KCNIP4: variants seen among roughly 807,000 people sequenced by gnomAD.
KCNIP4 encodes potassium voltage-gated channel interacting protein 4.
Under a neutral mutation model 34.0 loss-of-function variants are expected in KCNIP4, and 12 were observed. That is an observed-to-expected ratio of 0.35 (90% confidence interval 0.23 to 0.57). KCNIP4 has a LOEUF of 0.57. Ranked by LOEUF, KCNIP4 falls within the 20% of genes least tolerant of loss-of-function variation. The pLI is 0.83. For synonymous variants in KCNIP4, 124 were observed against 102.2 expected (o/e 1.21, Z -1.29); for missense variants, 238 against 311.7 (o/e 0.76, Z 1.78).
chr4:21,036,592 G>T (rs773016005), intron 1 of KCNIP4, among the ~76,000 whole-genome samples: 8 of 152,200 alleles, frequency 5.3e-5, no homozygotes, highest in Non-Finnish European at 7.3e-5. Flanking sequence ...TGGGCATGGG[G>T]GTGTGTGCCT....
intron 1 of KCNIP4, among the ~76,000 whole-genome samples, chr4:20,921,831 A>G (rs945142417): frequency 3.0e-4 from 46 of 152,202 alleles, no homozygotes. Context: ...TATGTGGGTG[A>G]TGTTAACAAG....
chr4:20,761,342 A>G (rs879374110), intron 3 of KCNIP4, among the ~76,000 whole-genome samples: 9 of 152,216 alleles, frequency 5.9e-5, no homozygotes, highest in Non-Finnish European at 1.2e-4. Flanking sequence ...GGACCCTAAT[A>G]CATAAATGAA....
rs564118366 is a variant in KCNIP4, at chr4:21,528,233, T to A, written c.61+420338A>T. 7.2e-5 allele frequency among the ~76,000 whole-genome samples: 11 copies of A among 152,268 alleles called. No homozygotes were observed. In the South Asian group the frequency reaches 2.3e-3, roughly 32 times the overall value. On this transcript the variant is annotated intron_variant, in intron 1 of 8. Coordinates refer to ENST00000382152, the MANE Select transcript of KCNIP4 (RefSeq NM_025221.6). Reference sequence around the variant, plus strand: ...TACTTTGCAGTCTCTAAACTTCATTTAGAGACTCACCTGTGGCTCAAATAA... The same window carrying A: ...TACTTTGCAGTCTCTAAACTTCATTAAGAGACTCACCTGTGGCTCAAATAA...
chr4:21,084,820 CAT>C (rs1028581185), intron 1 of KCNIP4, among the ~76,000 whole-genome samples: 7 of 151,462 alleles, frequency 4.6e-5, no homozygotes, highest in Non-Finnish European at 7.4e-5. Flanking sequence ...ATTCTCAACA[CAT>C]GTTTTCTTGA....
chr4:21,133,215 A>C (rs1751220391), intron 1 of KCNIP4, among the ~76,000 whole-genome samples: 1 of 152,170 alleles, frequency 6.6e-6, no homozygotes, highest in Non-Finnish European at 1.5e-5. Flanking sequence ...TCCTATTTAC[A>C]ATCAAAAGTT....
At chr4:21,848,348 T>C (rs922599247) in intron 1 of KCNIP4, 4 of 152,126 alleles carry the variant, frequency 2.6e-5, no homozygotes, top group African/African-American at 9.7e-5. Context: ...AATCAGGCAG[T>C]GCTGAGGTCA....
At chr4:21,053,010 TAC>T (rs548441726) in intron 1 of KCNIP4, among the ~76,000 whole-genome samples, 23 of 150,406 alleles carry the variant, frequency 1.5e-4, no homozygotes, top group South Asian at 1.1e-3. Context: ...AAGATATGTA[TAC>T]ACACACACAC....
At chr4:21,811,877 T>C (rs968711024) in intron 1 of KCNIP4, among the ~76,000 whole-genome samples, 31 of 152,178 alleles carry the variant, frequency 2.0e-4, no homozygotes, top group Non-Finnish European at 2.8e-4. Flanking sequence ...GAGAATCCCT[T>C]GTCATGGTTA....
chr4:20,819,433 G>A (rs1716830249), intron 3 of KCNIP4, among the ~76,000 whole-genome samples: 1 of 152,170 alleles, frequency 6.6e-6, no homozygotes, highest in Admixed American at 6.5e-5. Flanking sequence ...TATGGCATAA[G>A]AGAGAGGCAG....
intron 1 of KCNIP4, among the ~76,000 whole-genome samples, chr4:21,911,827 TTCA>T (rs1370468731): frequency 6.6e-6 from 1 of 152,126 alleles, no homozygotes; most frequent in Non-Finnish European, 1.5e-5. Flanking sequence ...ACACGGATTC[TTCA>T]TCATCATTGC....
chr4:21,376,371 T>C (rs1334719783), intron 1 of KCNIP4, among the ~76,000 whole-genome samples: 2 of 146,542 alleles, frequency 1.4e-5, no homozygotes, highest in African/African-American at 5.1e-5. Context: ...GATCCGAGAT[T>C]TGGATGCTAG....
At position 21,355,830 on chromosome 4, in the gene KCNIP4, C is replaced by T. The variant is rs571383790; in HGVS notation, c.62-473121G>A. 5.9e-5 allele frequency among the ~76,000 whole-genome samples: 9 copies of T among 152,276 alleles called. No homozygotes were observed. In the East Asian group the frequency reaches 1.7e-3, roughly 29 times the overall value. On this transcript the variant is annotated intron_variant, in intron 1 of 8. Transcript: ENST00000382152. ...GGCCAGCATCATCCTGATCCCAAAA[C>T]ATGGCAGAGACACAACAAAAAAAGA...
chr4:21,794,536 G>C (rs1315480659), intron 1 of KCNIP4, among the ~76,000 whole-genome samples: 1 of 152,096 alleles, frequency 6.6e-6, no homozygotes, highest in Non-Finnish European at 1.5e-5. Context: ...TTGCCCTCTG[G>C]GAAGGCTTTC....
At chr4:21,080,918 C>T (rs973679446) in intron 1 of KCNIP4, among the ~76,000 whole-genome samples, 6 of 151,690 alleles carry the variant, frequency 4.0e-5, no homozygotes, top group East Asian at 1.9e-4. Context: ...AATAAAAACC[C>T]GAAGAGTAGC....
At chr4:21,479,870 A>G (rs1379455536) in intron 1 of KCNIP4, among the ~76,000 whole-genome samples, 1 of 151,962 alleles carries the variant, frequency 6.6e-6, no homozygotes, top group Non-Finnish European at 1.5e-5. Flanking sequence ...TGAAATTATC[A>G]ATAACAAAAA....
At chr4:20,749,611 A>G in intron 5 of KCNIP4, 51 bp downstream of exon 5, 1 of 1,306,050 alleles carries the variant, frequency 7.7e-7, no homozygotes, top group Non-Finnish European at 1.1e-6. Context: ...TTCCCCCTAA[A>G]AAGACTAAAC....
At chr4:21,627,984 C>T (rs1002989919) in intron 1 of KCNIP4, among the ~76,000 whole-genome samples, 3 of 152,040 alleles carry the variant, frequency 2.0e-5, no homozygotes, top group African/African-American at 7.2e-5. Flanking sequence ...AATATGTATG[C>T]AGTAATGCTT....
intron 1 of KCNIP4, among the ~76,000 whole-genome samples, chr4:21,938,988 C>T (rs1730044570): frequency 2.6e-5 from 4 of 152,114 alleles, no homozygotes; most frequent in African/African-American, 9.7e-5. Context: ...TCTAAAACTA[C>T]ACAACACAAA....
chr4:20,866,526 C>T (rs906893423), intron 2 of KCNIP4, among the ~76,000 whole-genome samples: 1 of 151,946 alleles, frequency 6.6e-6, no homozygotes, highest in Non-Finnish European at 1.5e-5. Context: ...TAAGAGACAT[C>T]TATGACAAAC....
Sources: allele counts gnomAD v4.1 joint callset (sites outside exome capture counted in the v4.1 genomes callset), GRCh38; gene constraint gnomAD v4.1.1; transcripts MANE v1.5; gene names NCBI Gene and HGNC (gene_info 2026-07-23, HGNC 2026-07-21).